Variants in SEPTIN10 observed in about 807,000 individuals in gnomAD.
SEPTIN10 encodes the protein septin 10, also known as septin-10.
A neutral mutation model predicts 54.8 loss-of-function variants in SEPTIN10; 66 were observed. The ratio of observed to expected loss-of-function variants is 1.21; its 90% CI spans 0.99 to 1.48. The LOEUF (loss-of-function observed/expected upper bound fraction) is 1.48, where lower values mean the gene tolerates loss of function less well. Ranked by LOEUF, SEPTIN10 falls within the 40% of genes most tolerant of loss-of-function variation. The pLI is 0.00. For synonymous variants in SEPTIN10, 161 were observed against 181.0 expected, an observed-to-expected ratio of 0.89 and a Z score of 0.89; for missense variants, 620 against 545.6, an observed-to-expected ratio of 1.14 and a Z score of -1.36.
In SEPTIN10 at chr2:109,613,801, G is replaced by A; in HGVS notation, c.27C>T (p.His9=). ...CCCCGGCGTCGGCGGGACTCACCAG[G>A]TGCCGCGCCACCTCGGAGGAGGCCA... is the stretch of plus-strand genomic sequence containing the variant. MASSEVAR[H]LLFQSHMATK... The change falls in exon 1 of 11, where the codon CAC becomes CAT. Residue 9 remains histidine (H), a synonymous_variant. Coordinates refer to ENST00000397712, the MANE Select transcript of SEPTIN10 (RefSeq NM_144710.5). 1 of 1,232,902 alleles carries A rather than the reference G, an allele frequency of 8.1e-7. No individual in the cohort carries two copies. Among genetic ancestry groups the A allele is most frequent in the Non-Finnish European group, 1.0e-6 (1 of 988,774 alleles). The allele number at this position is 1,232,902 out of a possible 1,614,324, so 76.4% of individuals were successfully genotyped here. A position where few individuals can be genotyped will look rare whatever the true frequency, so the allele number is the denominator to read the frequency against.
Position 109,543,837 on chromosome 2 carries a change from A to G in SEPTIN10, c.*472T>C, listed in dbSNP as rs1680498541. 3.7e-6 allele frequency: 1 copy of G among 270,180 alleles called. No homozygotes were observed. The highest frequency in any genetic ancestry group is 6.9e-6 in the Non-Finnish European group (1 of 143,942). 16.7% of individuals were successfully genotyped at this position (270,180 alleles called of 1,614,324 possible). On this transcript the variant is annotated 3_prime_UTR_variant, in exon 11 of 11. Coordinates refer to ENST00000397712, the MANE Select transcript of SEPTIN10 (RefSeq NM_144710.5). ...TCCCTTATCCAAAATGCTAGGGACCAGAAGTGTTTTGGATTTCAGGTTTGG... is the reference window on the plus strand; with the variant it reads ...TCCCTTATCCAAAATGCTAGGGACCGGAAGTGTTTTGGATTTCAGGTTTGG...
chr2:109,564,248 T>G, intron 8 of SEPTIN10, 118 bp downstream of exon 8: 1 of 922,530 alleles, frequency 1.1e-6, no homozygotes, highest in South Asian at 4.2e-5. Flanking sequence ...ACCAAATGAT[T>G]CTATATCATG....
chr2:109,603,323 C>T (rs1390510431), intron 1 of SEPTIN10, among the ~76,000 whole-genome samples: 2 of 152,190 alleles, frequency 1.3e-5, no homozygotes, highest in African/African-American at 2.4e-5. Flanking sequence ...CAAGCCCCAC[C>T]TCCTGGGTTC....
chr2:109,596,065 A>G (rs1337055419), intron 1 of SEPTIN10, among the ~76,000 whole-genome samples: 1 of 152,100 alleles, frequency 6.6e-6, no homozygotes, highest in Non-Finnish European at 1.5e-5. Flanking sequence ...AAGATCTCCC[A>G]CTATTGCTTA....
intron 1 of SEPTIN10, among the ~76,000 whole-genome samples, chr2:109,610,538 A>C (rs754660864): frequency 1.3e-5 from 2 of 152,120 alleles, no homozygotes; most frequent in African/African-American, 2.4e-5. Flanking sequence ...AACATGGAGA[A>C]ACCCTGTGTC....
At chr2:109,589,115 T>C (rs1012145573) in intron 2 of SEPTIN10, among the ~76,000 whole-genome samples, 16 of 151,924 alleles carry the variant, frequency 1.1e-4, no homozygotes, top group African/African-American at 3.6e-4. Context: ...TTTTTGTTTG[T>C]TTGTTTGTTG....
rs1694000557 is a variant in SEPTIN10, at chr2:109,591,219, C to T, written c.99+1832G>A. On this transcript the variant is annotated intron_variant, in intron 2 of 10. Transcript: ENST00000397712. ...GTTCAAGATGGTAAGAACTTCATAA[C>T]TTGTTAAAGTTGTTATCTGATAGGC... 1.3e-5 allele frequency among the ~76,000 whole-genome samples: 2 copies of T among 152,120 alleles called. 1 individual carries two copies. Among genetic ancestry groups the T allele is most frequent in the South Asian group, 4.1e-4 (2 of 4,828 alleles).
At chr2:109,559,694 C>A (rs893928012) in intron 8 of SEPTIN10, among the ~76,000 whole-genome samples, 2 of 152,192 alleles carry the variant, frequency 1.3e-5, no homozygotes, top group Non-Finnish European at 2.9e-5. Flanking sequence ...ATCAGGTTCA[C>A]ACTCACTCCT....
At chr2:109,609,462 A>G (rs1166259602) in intron 1 of SEPTIN10, among the ~76,000 whole-genome samples, 1 of 152,120 alleles carries the variant, frequency 6.6e-6, no homozygotes, top group Non-Finnish European at 1.5e-5. Flanking sequence ...GCAAGGTAGC[A>G]TATGACCAAA....
intron 10 of SEPTIN10, chr2:109,544,531 AAAC>A (rs1220899510): frequency 1.0e-6 from 1 of 984,412 alleles, no homozygotes; most frequent in Non-Finnish European, 1.2e-6. Context: ...CTGATTTTGC[AAAC>A]AACAGCAGGG....
chr2:109,570,096 T>C (rs1688011466), intron 5 of SEPTIN10, among the ~76,000 whole-genome samples: 1 of 152,198 alleles, frequency 6.6e-6, no homozygotes, highest in Non-Finnish European at 1.5e-5. Context: ...TCCTAGTTTT[T>C]CTTTTAAACT....
intron 4 of SEPTIN10, among the ~76,000 whole-genome samples, chr2:109,581,445 A>AG (rs1441241189): frequency 1.3e-5 from 2 of 152,084 alleles, no homozygotes; most frequent in African/African-American, 4.8e-5. Flanking sequence ...TCAAAAAAAA[A>AG]AACAAAAAAA....
intron 1 of SEPTIN10, among the ~76,000 whole-genome samples, chr2:109,598,167 A>T (rs1245127244): frequency 6.6e-6 from 1 of 151,868 alleles, no homozygotes; most frequent in Non-Finnish European, 1.5e-5. Flanking sequence ...GGTTCAAGCG[A>T]TTTGTCTGCC....
intron 4 of SEPTIN10, among the ~76,000 whole-genome samples, chr2:109,578,277 C>T (rs1690192445): frequency 6.6e-6 from 1 of 152,028 alleles, no homozygotes; most frequent in Non-Finnish European, 1.5e-5. Flanking sequence ...CAACAATATG[C>T]TCAATAAGAA....
At chr2:109,584,021 AAAAC>A (rs1691853550) in intron 4 of SEPTIN10, among the ~76,000 whole-genome samples, 1 of 152,230 alleles carries the variant, frequency 6.6e-6, no homozygotes, top group South Asian at 2.1e-4. Flanking sequence ...TAAAGGCTGA[AAAAC>A]TAACTATTGG....
intron 4 of SEPTIN10, among the ~76,000 whole-genome samples, chr2:109,581,479 C>T (rs1209482469): frequency 6.7e-6 from 1 of 149,278 alleles, no homozygotes; most frequent in Non-Finnish European, 1.5e-5. Flanking sequence ...ATTCTATGTA[C>T]AGTATATATT....
intron 5 of SEPTIN10, among the ~76,000 whole-genome samples, chr2:109,572,500 C>T (rs1206214605): frequency 1.3e-5 from 2 of 151,274 alleles, no homozygotes; most frequent in Non-Finnish European, 2.9e-5. Flanking sequence ...TGCTAAGTGG[C>T]GGGGCTGAAG....
At chr2:109,609,694 T>C (rs1698816399) in intron 1 of SEPTIN10, among the ~76,000 whole-genome samples, 1 of 150,724 alleles carries the variant, frequency 6.6e-6, no homozygotes, top group African/African-American at 2.4e-5. Context: ...ATGAGAAGCC[T>C]CTTAGATACG....
Position 109,585,845 on chromosome 2 carries a change from G to C in SEPTIN10, c.100-7C>G. On this transcript the variant is annotated splice_region_variant and splice_polypyrimidine_tract_variant and intron_variant, in intron 2 of 10. Transcript: ENST00000397712. Reference sequence around the variant, plus strand: ...AACGAATGTTTTCTCTTTTCTGAAGGAAAATAAAAACAAAAACAACAGCAA... The same window carrying C: ...AACGAATGTTTTCTCTTTTCTGAAGCAAAATAAAAACAAAAACAACAGCAA... 3 of 1,579,400 alleles carry C rather than the reference G, an allele frequency of 1.9e-6. No individual in the cohort carries two copies.
Sources: allele counts gnomAD v4.1 joint callset (sites outside exome capture counted in the v4.1 genomes callset), GRCh38; gene constraint gnomAD v4.1.1; transcripts MANE v1.5; gene names NCBI Gene and HGNC (gene_info 2026-07-23, HGNC 2026-07-21).